The following NRG3 variants were observed in gnomAD, a reference collection of about 807,000 sequenced individuals.
The protein encoded by NRG3 is pro-neuregulin-3, membrane-bound isoform.
NRG3 carries 31 observed loss-of-function variants against 66.9 expected under a neutral mutation model. The ratio of observed to expected loss-of-function variants is 0.46; its 90% CI spans 0.35 to 0.63. The LOEUF (loss-of-function observed/expected upper bound fraction) is 0.63. Among genes scored for constraint, NRG3 ranks in the 20% least tolerant of loss-of-function variants. NRG3 has a pLI of 0.00. For missense variants in NRG3, 910 were observed against 878.9 expected (o/e 1.04, Z -0.45); for synonymous variants, 393 against 359.4 (o/e 1.09, Z -1.06).
At chr10:82,556,012 G>A (rs563571938) in intron 2 of NRG3, among the ~76,000 whole-genome samples, 1 of 152,160 alleles carries the variant, frequency 6.6e-6, no homozygotes, top group East Asian at 1.9e-4. Context: ...GTATGAAGCT[G>A]CTCTTGTCAA....
chr10:82,072,000 C>T (rs1381198187), intron 1 of NRG3, among the ~76,000 whole-genome samples: 1 of 151,932 alleles, frequency 6.6e-6, no homozygotes, highest in Non-Finnish European at 1.5e-5. Context: ...CTTCTGAATC[C>T]CATTTTATTA....
intron 2 of NRG3, among the ~76,000 whole-genome samples, chr10:82,687,313 C>T (rs1390461167): frequency 2.0e-5 from 3 of 152,056 alleles, no homozygotes; most frequent in Non-Finnish European, 2.9e-5. Flanking sequence ...TACGGCTGCT[C>T]CTAGGTGCCT....
At chr10:82,453,891 CT>C in intron 2 of NRG3, among the ~76,000 whole-genome samples, 1 of 152,048 alleles carries the variant, frequency 6.6e-6, no homozygotes, top group Non-Finnish European at 1.5e-5. Context: ...TAGCCACATG[CT>C]TTTCATGTGT....
intron 3 of NRG3, among the ~76,000 whole-genome samples, chr10:82,799,191 C>T (rs2060924543): frequency 6.6e-6 from 1 of 152,066 alleles, no homozygotes; most frequent in Non-Finnish European, 1.5e-5. Context: ...GGCTGTATAT[C>T]TGGAGAAGAG....
intron 5 of NRG3, 107 bp downstream of exon 5, chr10:82,951,678 G>A: frequency 1.1e-6 from 1 of 905,630 alleles, no homozygotes. Flanking sequence ...TGTGGAAATG[G>A]GTCTAGCAAC....
intron 2 of NRG3, among the ~76,000 whole-genome samples, chr10:82,624,591 T>C (rs994512570): frequency 1.3e-5 from 2 of 151,882 alleles, no homozygotes; most frequent in African/African-American, 4.8e-5. Context: ...TCAATTAAAA[T>C]TGTGTTAATT....
chr10:82,142,261 T>C (rs1363855990), intron 1 of NRG3, among the ~76,000 whole-genome samples: 1 of 152,192 alleles, frequency 6.6e-6, no homozygotes, highest in African/African-American at 2.4e-5. Flanking sequence ...CTTTGAGATG[T>C]AGCAGTACTC....
intron 1 of NRG3, among the ~76,000 whole-genome samples, chr10:82,133,089 C>A (rs1450789852): frequency 3.3e-5 from 5 of 151,132 alleles, no homozygotes; most frequent in African/African-American, 1.2e-4. Flanking sequence ...TATTTCTTTT[C>A]TTCTACTAAT....
At chr10:82,408,712 A>G (rs1026962024) in intron 2 of NRG3, among the ~76,000 whole-genome samples, 1 of 150,768 alleles carries the variant, frequency 6.6e-6, no homozygotes, top group Admixed American at 6.6e-5. Context: ...CTAATCATCT[A>G]GTCCAGGAAA....
intron 2 of NRG3, among the ~76,000 whole-genome samples, chr10:82,570,601 A>G (rs988070858): frequency 2.0e-5 from 3 of 151,594 alleles, no homozygotes; most frequent in Admixed American, 6.6e-5. Flanking sequence ...ATAAAGGCAC[A>G]AAAACCATAA....
At chr10:82,021,942 A>G (rs995829713) in intron 1 of NRG3, among the ~76,000 whole-genome samples, 9 of 151,260 alleles carry the variant, frequency 6.0e-5, no homozygotes, top group African/African-American at 2.2e-4. Context: ...CCTAAATTCC[A>G]GTCTTTTGTA....
intron 1 of NRG3, among the ~76,000 whole-genome samples, chr10:82,349,512 C>G (rs1468130964): frequency 6.6e-6 from 1 of 151,848 alleles, no homozygotes; most frequent in Non-Finnish European, 1.5e-5. Flanking sequence ...TTACTGCTGT[C>G]TTTTTGTTTG....
chr10:82,749,112 A>T (rs1362873834), intron 3 of NRG3, among the ~76,000 whole-genome samples: 1 of 151,904 alleles, frequency 6.6e-6, no homozygotes, highest in Admixed American at 6.6e-5. Context: ...TGGAGAGAGG[A>T]GGGTTTTATT....
intron 3 of NRG3, among the ~76,000 whole-genome samples, chr10:82,806,267 T>C (rs181001507): frequency 7.9e-5 from 12 of 152,360 alleles, no homozygotes; most frequent in African/African-American, 1.9e-4. Flanking sequence ...CTTATAGGTC[T>C]TTTCAACAAT....
intron 2 of NRG3, among the ~76,000 whole-genome samples, chr10:82,721,873 T>G (rs1380686105): frequency 6.6e-6 from 1 of 152,084 alleles, no homozygotes. Flanking sequence ...TAGAATGGTA[T>G]GTCTCATTAT....
intron 3 of NRG3, among the ~76,000 whole-genome samples, chr10:82,769,816 T>G (rs190383420): frequency 1.3e-4 from 20 of 152,244 alleles, no homozygotes; most frequent in African/African-American, 4.1e-4. Context: ...AAATATAACA[T>G]TTTTTGTGTA....
At chr10:81,909,866 G>A (rs1564649494) in intron 1 of NRG3, among the ~76,000 whole-genome samples, 1 of 152,200 alleles carries the variant, frequency 6.6e-6, no homozygotes, top group East Asian at 1.9e-4. Context: ...TGATGCTTTT[G>A]TAGTCCATGT....
Position 82,270,400 on chromosome 10 carries a change from A to T in NRG3, c.824-88339A>T, listed in dbSNP as rs138989559. 5.7e-3 allele frequency among the ~76,000 whole-genome samples: 873 copies of T among 152,226 alleles called. 12 individuals are homozygous for T. The highest frequency in any genetic ancestry group is 0.02 in the African/African-American group (822 of 41,538). On this transcript the variant is annotated intron_variant, in intron 1 of 8. Coordinates refer to ENST00000372141, the MANE Select transcript of NRG3 (RefSeq NM_001010848.4). Reference sequence around the variant, plus strand: ...TTCCTTGCTTAGAAAGTGAATGTTGAGTATATTAATAGGGTATTTGGGACT... The same window carrying T: ...TTCCTTGCTTAGAAAGTGAATGTTGTGTATATTAATAGGGTATTTGGGACT...
intron 5 of NRG3, chr10:82,955,313 A>G (rs1243353329): frequency 6.6e-6 from 1 of 151,950 alleles, no homozygotes; most frequent in African/African-American, 2.4e-5. Context: ...AACCCATAGC[A>G]ACTCTAAAAA....
Sources: allele counts gnomAD v4.1 joint callset (sites outside exome capture counted in the v4.1 genomes callset), GRCh38; gene constraint gnomAD v4.1.1; transcripts MANE v1.5; gene names NCBI Gene and HGNC (gene_info 2026-07-23, HGNC 2026-07-21).